Variants in CCDC88A observed in about 807,000 individuals in gnomAD.
CCDC88A encodes girdin.
CCDC88A carries 54 observed loss-of-function variants against 234.3 expected under a neutral mutation model. The ratio of observed to expected loss-of-function variants is 0.23; its 90% CI spans 0.19 to 0.29. The LOEUF (loss-of-function observed/expected upper bound fraction) is 0.29, where lower values mean the gene tolerates loss of function less well. Among genes scored for constraint, CCDC88A ranks in the 10% least tolerant of loss-of-function variants. The pLI is 1.00. For missense variants in CCDC88A, 1,832 were observed against 2,123.4 expected, an observed-to-expected ratio of 0.86 and a Z score of 2.70; for synonymous variants, 753 against 737.8, an observed-to-expected ratio of 1.02 and a Z score of -0.33.
chr2:55,312,654 T>C, intron 22 of CCDC88A, 75 bp from the exon 23 acceptor site: 1 of 1,045,056 alleles, frequency 9.6e-7, no homozygotes, highest in Non-Finnish European at 1.4e-6. Context: ...TATGAAGTAC[T>C]ACACAAAGAT....
In CCDC88A at chr2:55,318,984, C is replaced by G; in HGVS notation, c.3183G>C (p.Glu1061Asp). 6.2e-7 allele frequency: 1 copy of G among 1,613,116 alleles called. No homozygotes were observed. Among genetic ancestry groups the G allele is most frequent in the South Asian group, 1.1e-5 (1 of 91,012 alleles). ...TCAGTTGAGTTTTCAACGCTTGCTT[C>G]TCTGCTTGCAGTGTAGCATTCTTGA... ...VERNNATLQA[E>D]KQALKTQLKQ... The change falls in exon 19 of 33, where the codon GAG becomes GAC. Residue 1061 changes from glutamate (E) to aspartate (D), a missense_variant. Physicochemically the swap from Glu to Asp is conservative, Grantham distance 45. Around this residue, in one of 6 missense-constraint regions of CCDC88A, gnomAD observed 1,282 missense variants for 1,543.6 expected, o/e 0.83. Coordinates refer to ENST00000436346, the MANE Select transcript of CCDC88A (RefSeq NM_001365480.1).
chr2:55,343,562 C>T (rs1367734995), intron 12 of CCDC88A, 86 bp downstream of exon 12: 8 of 973,192 alleles, frequency 8.2e-6, no homozygotes, highest in Non-Finnish European at 1.2e-5. Context: ...AGATATCTCC[C>T]ACTGCGGAAA....
At chr2:55,399,564 A>C (rs964309163) in intron 2 of CCDC88A, 1 of 151,494 alleles carries the variant, frequency 6.6e-6, no homozygotes, top group Non-Finnish European at 1.5e-5. Context: ...CAGAGAACTG[A>C]ACTGAGATAT....
Position 55,336,911 on chromosome 2 carries a change from AAT to A in CCDC88A, c.1519-95_1519-94del, listed in dbSNP as rs1168144615. The A allele has an allele frequency of 4.9e-5, 35 of 718,236 alleles. 1 individual carries two copies. The Admixed American group carries it at 1.2e-3, about 26-fold the overall frequency. 44.5% of individuals were successfully genotyped at this position (718,236 alleles called of 1,614,324 possible). A position where few individuals can be genotyped will look rare whatever the true frequency, so the allele number is the denominator to read the frequency against. On this transcript the variant is annotated intron_variant, in intron 13 of 32. Coordinates refer to ENST00000436346, the MANE Select transcript of CCDC88A (RefSeq NM_001365480.1). The stretch of plus-strand genomic sequence containing the variant: ...AACATAATCGCTGAATAAAGGATAA[AAT>A]AGTGTTAATATCCAAATGCTAAAAT...
chr2:55,295,775 T>C lies in CCDC88A; in HGVS notation c.5373A>G (p.Arg1791=). ...IKLVKESSLS[R]QSKDSNPYAT... is the part of the protein sequence containing the mutation. ...CATAAGGGTTACTATCTTTTGATTG[T>C]CGTGACAGAGAAGATTCTTTTACTA... The change falls in exon 31 of 33, where the codon CGA becomes CGG. Residue 1791 remains arginine (R), a synonymous_variant. Coordinates refer to ENST00000436346, the MANE Select transcript of CCDC88A (RefSeq NM_001365480.1). 1 of 1,614,258 alleles carries C rather than the reference T, an allele frequency of 6.2e-7. No homozygotes were observed.
chr2:55,374,407 A>G lies in CCDC88A; in HGVS notation c.343+407T>C, dbSNP rs562936590. Among the ~76,000 whole-genome samples the G allele has an allele frequency of 2.6e-5, 4 of 152,312 alleles. No homozygotes were observed. The East Asian group carries it at 7.7e-4, about 29-fold the overall frequency. Reference sequence around the variant, plus strand: ...AAATAAATAAAACATATCAATCAGTAAAACTTAAGATTCAAACAATTTTGG... The same window carrying G: ...AAATAAATAAAACATATCAATCAGTGAAACTTAAGATTCAAACAATTTTGG... On this transcript the variant is annotated intron_variant, in intron 4 of 32. Transcript: ENST00000436346.
chr2:55,357,145 GTAAC>G (rs1670684379), intron 7 of CCDC88A, among the ~76,000 whole-genome samples: 1 of 152,158 alleles, frequency 6.6e-6, no homozygotes, highest in East Asian at 1.9e-4. Context: ...TCTGCAGTAA[GTAAC>G]TGAGGCACAG....
chr2:55,366,015 G>C (rs910534983), intron 5 of CCDC88A, among the ~76,000 whole-genome samples: 1 of 152,154 alleles, frequency 6.6e-6, no homozygotes. Flanking sequence ...GCCAGCTCCA[G>C]AGCATGAGAA....
chr2:55,349,498 C>G lies in CCDC88A; in HGVS notation c.882+20G>C. The G allele has an allele frequency of 6.5e-7, 1 of 1,549,140 alleles. No individual in the cohort carries two copies. The highest frequency in any genetic ancestry group is 8.9e-7 in the Non-Finnish European group (1 of 1,126,100). ...CCAATTACTTGGTGGTCCTAAATAA[C>G]AGATATTCCAGGTACAAACCTCTTG... On this transcript the variant is annotated intron_variant, in intron 9 of 32. Transcript: ENST00000436346.
intron 2 of CCDC88A, among the ~76,000 whole-genome samples, chr2:55,416,427 AATAAATAAATAAATAAATAT>A (rs1336220291): frequency 0.012 from 508 of 43,734 alleles, 45 homozygotes; most frequent in Middle Eastern, 0.018. Flanking sequence ...GAAGAGGTCA[AATAAATAAATAAATAAATAT>A]ATATATATAT....
chr2:55,322,779 T>A, intron 17 of CCDC88A, 87 bp from the exon 18 acceptor site: 1 of 604,342 alleles, frequency 1.7e-6, no homozygotes, highest in Non-Finnish European at 2.7e-6. Flanking sequence ...TGGGCTGATC[T>A]GGTGAATACG....
intron 5 of CCDC88A, among the ~76,000 whole-genome samples, chr2:55,369,370 CCTT>C (rs1185222369): frequency 6.6e-6 from 1 of 151,740 alleles, no homozygotes; most frequent in Non-Finnish European, 1.5e-5. Flanking sequence ...CAAATCCAGT[CCTT>C]CATAACTCAA....
intron 2 of CCDC88A, among the ~76,000 whole-genome samples, chr2:55,410,766 G>T (rs1223055322): frequency 1.3e-5 from 2 of 152,074 alleles, no homozygotes; most frequent in Non-Finnish European, 2.9e-5. Flanking sequence ...AGCTGGGCAT[G>T]GTAGTAGTCC....
chr2:55,415,990 A>C (rs1209614709), intron 2 of CCDC88A, among the ~76,000 whole-genome samples: 1 of 151,974 alleles, frequency 6.6e-6, no homozygotes, highest in Non-Finnish European at 1.5e-5. Flanking sequence ...GACTGGCATC[A>C]AATTAAAAAA....
In CCDC88A at chr2:55,328,151, A is replaced by T. The variant is rs1684487556; in HGVS notation, c.2997+143T>A. ...TTCATATGACAGAGATCTGTTTAAG[A>T]ATATTCTCAAGTTTATGAAAAAGGA... On this transcript the variant is annotated intron_variant, in intron 17 of 32. Coordinates refer to ENST00000436346, the MANE Select transcript of CCDC88A (RefSeq NM_001365480.1). This position sits in a 1 kb window ranked among gnomAD's most constrained non-coding sequence, Gnocchi z 4.3. 1 of 670,592 alleles carries T rather than the reference A, an allele frequency of 1.5e-6. No homozygotes were observed. The allele number at this position is 670,592 out of a possible 1,614,324, so 41.5% of individuals were successfully genotyped here.
intron 16 of CCDC88A, chr2:55,330,205 T>TG (rs1301669854): frequency 6.6e-6 from 1 of 152,092 alleles, no homozygotes; most frequent in Non-Finnish European, 1.5e-5. Flanking sequence ...ATTAGAAAGA[T>TG]GGGACAGTTA....
At position 55,296,274 on chromosome 2, in the gene CCDC88A, T is replaced by G. The variant is rs1000027740; in HGVS notation, c.5075A>C (p.Lys1692Thr). ...TLQQFLEESN[K>T]LTSVQIKSSS... Reference sequence around the variant, plus strand: ...AAAACTAACCTGTACTGAGGTAAGCTTATTGCTTTCTTCCAAAAACTGTTG... The same window carrying G: ...AAAACTAACCTGTACTGAGGTAAGCGTATTGCTTTCTTCCAAAAACTGTTG... The change falls in exon 30 of 33, where the codon AAG becomes ACG. Residue 1692 changes from lysine to threonine, a missense_variant. Lys to Thr is a moderately conservative substitution (Grantham distance 78, BLOSUM62 -1). This residue lies in a region of CCDC88A where 422 missense variants were observed against 416.5 expected (regional missense o/e 1.01). Coordinates refer to ENST00000436346, the MANE Select transcript of CCDC88A (RefSeq NM_001365480.1). 2 of 1,614,028 alleles carry G rather than the reference T, an allele frequency of 1.2e-6. No homozygotes were observed. The highest frequency in any genetic ancestry group is 1.3e-5 in the African/African-American group (1 of 74,930).
chr2:55,378,568 G>C lies in CCDC88A; in HGVS notation c.274-3685C>G, dbSNP rs536002869. 2.0e-5 allele frequency among the ~76,000 whole-genome samples: 3 copies of C among 148,046 alleles called. No individual in the cohort carries two copies. In the East Asian group the frequency reaches 5.8e-4, roughly 29 times the overall value. ...AAATGATGATAATTTAAAAACCTTA[G>C]AGTTAATGAGGAAAAACTCTATTTT... On this transcript the variant is annotated intron_variant, in intron 3 of 32. Transcript: ENST00000436346.
In CCDC88A at chr2:55,334,103, T is replaced by C. The variant is rs1277157666; in HGVS notation, c.2718A>G (p.Thr906=). ...RATIDIKTLV[T]LREDLVSEKL... The stretch of plus-strand genomic sequence containing the variant: ...AGGTAAACATATTTACCTCACGTAG[T>C]GTAACCAACGTTTTTATATCAATAG... The change falls in exon 15 of 33, where the codon ACA becomes ACG. Residue 906 remains threonine (T), a synonymous_variant. Coordinates refer to ENST00000436346, the MANE Select transcript of CCDC88A (RefSeq NM_001365480.1). The surrounding 1 kb of genome is among the most constrained non-coding windows in gnomAD (Gnocchi z 6.1). 1 of 1,289,540 alleles carries C rather than the reference T, an allele frequency of 7.8e-7. No individual in the cohort carries two copies. The highest frequency in any genetic ancestry group is 1.0e-6 in the Non-Finnish European group (1 of 999,914). The allele number at this position is 1,289,540 out of a possible 1,614,324, so 79.9% of individuals were successfully genotyped here.
Sources: gnomAD v4.1 joint callset for allele counts (sites outside exome capture counted in the v4.1 genomes callset) on GRCh38, gnomAD v4.1.1 for gene constraint, gnomAD v4.1.1 regional missense constraint, Gnocchi (gnomAD v3.1) non-coding constraint, MANE v1.5 for transcripts, NCBI Gene and HGNC (gene_info 2026-07-23, HGNC 2026-07-21) for gene names.